DNTTIP1: variants seen among roughly 807,000 people sequenced by gnomAD.
DNTTIP1 encodes the protein deoxynucleotidyltransferase terminal interacting protein 1.
A neutral mutation model predicts 52.9 loss-of-function variants in DNTTIP1; 22 were observed. That is an observed-to-expected ratio of 0.42 (90% confidence interval 0.30 to 0.59). DNTTIP1 has a LOEUF of 0.59. Ranked by LOEUF, DNTTIP1 falls within the 20% of genes least tolerant of loss-of-function variation. The pLI, the probability that DNTTIP1 is intolerant of heterozygous loss-of-function variation, is 0.22. For missense variants in DNTTIP1, 286 were observed against 435.5 expected, an observed-to-expected ratio of 0.66 and a Z score of 3.06; for synonymous variants, 136 against 155.1, an observed-to-expected ratio of 0.88 and a Z score of 0.92.
At chr20:45,806,397 G>T (rs118172957) in intron 10 of DNTTIP1, among the ~76,000 whole-genome samples, 6,190 of 151,802 alleles carry the variant, frequency 0.041, 173 homozygotes, top group Middle Eastern at 0.058. Context: ...AGGGTCCTGT[G>T]CCTTTTCAAA....
intron 4 of DNTTIP1, among the ~76,000 whole-genome samples, 156 bp downstream of exon 4, chr20:45,795,599 G>T (rs1379581467): frequency 6.6e-6 from 1 of 152,214 alleles, no homozygotes; most frequent in East Asian, 1.9e-4. Context: ...AGGAGTTTGA[G>T]ACCAGCTTGG....
chr20:45,799,542 C>T (rs1366369105), intron 4 of DNTTIP1, among the ~76,000 whole-genome samples: 1 of 152,184 alleles, frequency 6.6e-6, no homozygotes. Flanking sequence ...TTTTTTACAG[C>T]CTCCTTCACA....
chr20:45,801,257 A>G, intron 5 of DNTTIP1, 115 bp downstream of exon 5: 4 of 1,380,988 alleles, frequency 2.9e-6, no homozygotes, highest in South Asian at 2.3e-5. Flanking sequence ...GACCAGGCCC[A>G]CACAGCATCA....
At chr20:45,797,109 G>A (rs189955435) in intron 4 of DNTTIP1, among the ~76,000 whole-genome samples, 50 of 152,186 alleles carry the variant, frequency 3.3e-4, no homozygotes, top group South Asian at 1.2e-3. Context: ...TACATTCACC[G>A]TTACCCAGTT....
chr20:45,803,414 C>T (rs1260692645), intron 8 of DNTTIP1, 36 bp downstream of exon 8: 13 of 1,612,554 alleles, frequency 8.1e-6, no homozygotes, highest in South Asian at 1.1e-5. Context: ...ATCACGATCC[C>T]AGGAGATAGT....
chr20:45,792,108 C>G lies in DNTTIP1; in HGVS notation c.104C>G (p.Thr35Arg). The change falls in exon 1 of 13, where the codon ACG becomes AGG. Residue 35 changes from threonine (T) to arginine (R), a missense_variant and splice_region_variant. Physicochemically the swap from Thr to Arg is moderately conservative, Grantham distance 71. Transcript: ENST00000372622. The part of the protein sequence containing the change: ...DAGAAGQLVL[T>R]NPWNIMIKHR... ...GGCGCAGCGGGGCAGCTGGTTCTTA[C>G]GGTGAGGGCGCCCCCGGTGAGGTCT... is the stretch of plus-strand genomic sequence containing the variant. The G allele has an allele frequency of 7.8e-7, 1 of 1,277,940 alleles. No individual in the cohort carries two copies. The highest frequency in any genetic ancestry group is 9.9e-7 in the Non-Finnish European group (1 of 1,009,296). 79.2% of individuals were successfully genotyped at this position (1,277,940 alleles called of 1,614,324 possible). A position where few individuals can be genotyped will look rare whatever the true frequency, so the allele number is the denominator to read the frequency against.
rs1981073584 is a variant in DNTTIP1 at position 45,792,723 on chromosome 20, G to A, written c.152G>A (p.Gly51Asp). The A allele has an allele frequency of 6.2e-7, 1 of 1,612,546 alleles. No homozygotes were observed. The highest frequency in any genetic ancestry group is 1.1e-5 in the South Asian group (1 of 90,950). The change falls in exon 2 of 13, where the codon GGC becomes GAC. Residue 51 changes from glycine (G) to aspartate (D), a missense_variant. Around this residue, in one of 2 missense-constraint regions of DNTTIP1, gnomAD observed 208 missense variants for 266.5 expected, o/e 0.78. Coordinates refer to ENST00000372622, the MANE Select transcript of DNTTIP1 (RefSeq NM_052951.3). The part of the protein sequence containing the change: ...MIKHRQVQRR[G>D]RRSQMTTSFT... ...AAGCACCGGCAGGTGCAGCGGAGGG[G>A]CCGCCGCTCACAGATGACAACAAGG...
rs1981753085 is a variant in DNTTIP1, at chr20:45,809,473, C to A, written c.795+288C>A. On this transcript the variant is annotated intron_variant, in intron 11 of 12. Coordinates refer to ENST00000372622, the MANE Select transcript of DNTTIP1 (RefSeq NM_052951.3). The surrounding 1 kb of genome is among the most constrained non-coding windows in gnomAD (Gnocchi z 4.2). ...GTCCATAGGAATAGCAGGTATAAGA[C>A]ACACAGTACTACTTTTTCCCACTAC... 6.6e-6 allele frequency among the ~76,000 whole-genome samples: 1 copy of A among 152,234 alleles called. No homozygotes were observed. Among genetic ancestry groups the A allele is most frequent in the African/African-American group, 2.4e-5 (1 of 41,454 alleles).
intron 5 of DNTTIP1, 68 bp downstream of exon 5, chr20:45,801,210 G>A: frequency 6.6e-7 from 1 of 1,515,760 alleles, no homozygotes; most frequent in Non-Finnish European, 9.2e-7. Flanking sequence ...AGTGAAATAT[G>A]TGGGCCCAGG....
chr20:45,794,081 G>T, intron 3 of DNTTIP1, 64 bp downstream of exon 3: 1 of 975,986 alleles, frequency 1.0e-6, no homozygotes. Context: ...GTCCTTGCCT[G>T]CATCACCAGT....
At position 45,795,421 on chromosome 20, in the gene DNTTIP1, C is replaced by CAG; in HGVS notation, c.350_351insAG (p.Cys118AlafsTer19). 1 of 1,609,578 alleles carries CAG rather than the reference C, an allele frequency of 6.2e-7. No homozygotes were observed. The highest frequency in any genetic ancestry group is 2.2e-5 in the East Asian group (1 of 44,744). ...GACGCAGAGCAGCTGATCCAGGAAG[C>CAG]CTGTCGGAGCTGCCTGGAGCAGGTG... On this transcript the variant is annotated frameshift_variant, in exon 4 of 13. Transcript: ENST00000372622. LOFTEE classifies it high-confidence loss of function.
intron 3 of DNTTIP1, 26 bp downstream of exon 3, chr20:45,794,043 A>G (rs1371856541): frequency 1.3e-6 from 2 of 1,498,202 alleles, no homozygotes; most frequent in Non-Finnish European, 1.8e-6. Flanking sequence ...GATAAAAAAT[A>G]ACAGGAGAAA....
At chr20:45,799,163 G>T (rs56017754) in intron 4 of DNTTIP1, among the ~76,000 whole-genome samples, 1 of 152,312 alleles carries the variant, frequency 6.6e-6, no homozygotes, top group African/African-American at 2.4e-5. Context: ...TTATGGAATC[G>T]TGGTTTATAG....
intron 3 of DNTTIP1, among the ~76,000 whole-genome samples, chr20:45,794,675 T>A (rs1172445941): frequency 1.3e-5 from 2 of 150,862 alleles, no homozygotes; most frequent in Non-Finnish European, 2.9e-5. Flanking sequence ...ATTGGGGCCA[T>A]GCACAGTGGC....
rs774600811 is a variant in DNTTIP1 at position 45,795,460 on chromosome 20, CA to C, written c.372+19del. ...CTGGAGCAGGTGAGACCAAAGGGGA[CA>C]AGAGATGCAGGCACAAGGTTTAGCT... On this transcript the variant is annotated intron_variant, in intron 4 of 12. Transcript: ENST00000372622. 9 of 1,507,996 alleles carry C rather than the reference CA, an allele frequency of 6.0e-6. No homozygotes were observed. In the South Asian group the frequency reaches 1.1e-4, roughly 18 times the overall value. The allele number at this position is 1,507,996 out of a possible 1,614,324, so 93.4% of individuals were successfully genotyped here. A position where few individuals can be genotyped will look rare whatever the true frequency, so the allele number is the denominator to read the frequency against.
rs1981847924 is a variant in DNTTIP1 at position 45,811,360 on chromosome 20, G to T, written c.*165G>T. ...CACAGCACCCCCAGACTAGCATGTG[G>T]TTCTATATTTGTAAAGTTATTGGGA... On this transcript the variant is annotated 3_prime_UTR_variant, in exon 13 of 13. Transcript: ENST00000372622. 9.0e-6 allele frequency: 6 copies of T among 668,382 alleles called. No homozygotes were observed. The highest frequency in any genetic ancestry group is 1.2e-5 in the Non-Finnish European group (5 of 419,880). 41.4% of individuals were successfully genotyped at this position (668,382 alleles called of 1,614,324 possible).
chr20:45,805,049 C>A, intron 8 of DNTTIP1, 97 bp from the exon 9 acceptor site: 3 of 1,055,384 alleles, frequency 2.8e-6, no homozygotes, highest in Admixed American at 1.7e-5. Context: ...AAATAATAGA[C>A]AAGGGGAAGG....
intron 12 of DNTTIP1, 50 bp from the exon 13 acceptor site, chr20:45,811,007 G>C (rs56261048): frequency 0.054 from 87,089 of 1,613,690 alleles, 2,685 homozygotes; most frequent in Middle Eastern, 0.088. Context: ...GAATGAGGCA[G>C]GGCCTACATC....
At chr20:45,805,047 G>T in intron 8 of DNTTIP1, 99 bp from the exon 9 acceptor site, 1 of 1,041,604 alleles carries the variant, frequency 9.6e-7, no homozygotes, top group South Asian at 1.3e-5. Context: ...TTAAATAATA[G>T]ACAAGGGGAA....
Sources: allele counts gnomAD v4.1 joint callset (sites outside exome capture counted in the v4.1 genomes callset), GRCh38; gene constraint gnomAD v4.1.1; regional missense constraint gnomAD v4.1.1; non-coding constraint Gnocchi (gnomAD v3.1); transcripts MANE v1.5; gene names NCBI Gene and HGNC (gene_info 2026-07-23, HGNC 2026-07-21).